The following KIF24 variants were observed in gnomAD, a reference collection of about 807,000 sequenced individuals.
The protein encoded by KIF24 is kinesin-like protein KIF24.
KIF24 carries 81 observed loss-of-function variants against 118.9 expected under a neutral mutation model. That is an observed-to-expected ratio of 0.68 (90% CI 0.57 to 0.82). The LOEUF is 0.82. KIF24 is among the 40% of genes least tolerant of loss of function. The pLI is 0.00. For synonymous variants in KIF24, 599 were observed against 610.0 expected, an observed-to-expected ratio of 0.98 and a Z score of 0.27; for missense variants, 1,560 against 1,661.6, an observed-to-expected ratio of 0.94 and a Z score of 1.06.
At chr9:34,271,376 G>A (rs1835502455) in intron 7 of KIF24, among the ~76,000 whole-genome samples, 1 of 150,366 alleles carries the variant, frequency 6.7e-6, no homozygotes, top group African/African-American at 2.5e-5. Flanking sequence ...ATTACTCAGA[G>A]GTGAAATAGG....
rs1305072269 is a variant in KIF24, at chr9:34,311,415, G to A, written c.-25-44C>T. Reference sequence around the variant, plus strand: ...GCCATTCGCTTGAAATAGAGTACATGTAATACAATTATTTATTTTAAAAAT... The same window carrying A: ...GCCATTCGCTTGAAATAGAGTACATATAATACAATTATTTATTTTAAAAAT... On this transcript the variant is annotated intron_variant, in intron 1 of 12. Coordinates refer to ENST00000402558, the MANE Select transcript of KIF24 (RefSeq NM_194313.4). The A allele has an allele frequency of 5.2e-6, 5 of 960,416 alleles. No individual in the cohort carries two copies. In the Admixed American group the frequency reaches 1.0e-4, roughly 20 times the overall value. The allele number at this position is 960,416 out of a possible 1,614,324, so 59.5% of individuals were successfully genotyped here.
intron 8 of KIF24, among the ~76,000 whole-genome samples, chr9:34,265,226 T>C (rs956449847): frequency 2.7e-4 from 41 of 152,198 alleles, no homozygotes; most frequent in African/African-American, 9.6e-4. Flanking sequence ...TGGAGTGCAG[T>C]AGCACAATCA....
In KIF24 at chr9:34,263,100, C is replaced by G. The variant is rs760233276; in HGVS notation, c.1515+1G>C. ...AACTCAAGGCTCACATTTAACTTTA[C>G]CTGAGTTAGTTTGCTTTGCCTGAAG... is the stretch of plus-strand genomic sequence containing the variant. On this transcript the variant is annotated splice_donor_variant, in intron 9 of 12. Coordinates refer to ENST00000402558, the MANE Select transcript of KIF24 (RefSeq NM_194313.4). LOFTEE classifies it high-confidence loss of function. 4 of 1,610,378 alleles carry G rather than the reference C, an allele frequency of 2.5e-6. No homozygotes were observed. The highest frequency in any genetic ancestry group is 3.4e-6 in the Non-Finnish European group (4 of 1,177,228).
In KIF24 at chr9:34,259,597, G is replaced by T; in HGVS notation, c.1624C>A (p.Arg542=). 1 of 1,611,526 alleles carries T rather than the reference G, an allele frequency of 6.2e-7. No individual in the cohort carries two copies. Among genetic ancestry groups the T allele is most frequent in the South Asian group, 1.1e-5 (1 of 90,978 alleles). ...HTLNTLRYAD[R]VKELKKGIKC... is the part of the protein sequence containing the mutation. Reference sequence around the variant, plus strand: ...CCTGCCATCTGGGAGCTGACTTACCGGTCAGCATAGCGCAAGGTGTTGAGA... The same window carrying T: ...CCTGCCATCTGGGAGCTGACTTACCTGTCAGCATAGCGCAAGGTGTTGAGA... Residue 542 remains arginine, a splice_region_variant and synonymous_variant, in exon 10 of 13, where the codon CGG becomes AGG. Coordinates refer to ENST00000402558, the MANE Select transcript of KIF24 (RefSeq NM_194313.4).
At chr9:34,295,262 T>C (rs1439185395) in intron 4 of KIF24, among the ~76,000 whole-genome samples, 1 of 151,424 alleles carries the variant, frequency 6.6e-6, no homozygotes. Context: ...CAGGCTGGAG[T>C]ACAGTGCAAG....
At chr9:34,296,891 T>A (rs1190172240) in intron 4 of KIF24, 126 bp downstream of exon 4, 1 of 541,126 alleles carries the variant, frequency 1.8e-6, no homozygotes, top group Non-Finnish European at 3.3e-6. Context: ...TCTAAATTTA[T>A]TAGCTCAAAA....
chr9:34,270,972 G>A (rs1325977667), intron 7 of KIF24, among the ~76,000 whole-genome samples: 1 of 151,268 alleles, frequency 6.6e-6, no homozygotes, highest in Non-Finnish European at 1.5e-5. Context: ...GTCCATACCT[G>A]TAGTCCCAGC....
chr9:34,265,046 C>T (rs1285768519), intron 8 of KIF24, among the ~76,000 whole-genome samples: 1 of 151,976 alleles, frequency 6.6e-6, no homozygotes, highest in Non-Finnish European at 1.5e-5. Context: ...TATATATAGA[C>T]AGAAAAATGA....
At chr9:34,319,074 T>C in intron 1 of KIF24, 3 of 1,308,366 alleles carry the variant, frequency 2.3e-6, no homozygotes, top group Non-Finnish European at 3.3e-6. Context: ...AACCGTGGCT[T>C]CATGGTGACT....
At chr9:34,285,585 A>T (rs760693280) in intron 6 of KIF24, among the ~76,000 whole-genome samples, 33 of 152,076 alleles carry the variant, frequency 2.2e-4, no homozygotes, top group Middle Eastern at 3.4e-3. Flanking sequence ...CCATTCTGGC[A>T]AACACGGTGA....
At chr9:34,325,556 G>C (rs1837647487) in intron 1 of KIF24, among the ~76,000 whole-genome samples, 1 of 151,882 alleles carries the variant, frequency 6.6e-6, no homozygotes, top group Admixed American at 6.6e-5. Context: ...AGCTGGGAAT[G>C]TTGGCACACA....
Position 34,257,020 on chromosome 9 carries a change from G to T in KIF24, c.2587C>A (p.Gln863Lys). Reference protein sequence around the residue: ...DSFFLHQTWGQGPEKQVAERQ... With the variant: ...DSFFLHQTWGKGPEKQVAERQ... Reference sequence around the variant, plus strand: ...TCTGCCACCTGCTTCTCAGGACCCTGTCCCCACGTCTGGTGCAGGAAGAAT... The same window carrying T: ...TCTGCCACCTGCTTCTCAGGACCCTTTCCCCACGTCTGGTGCAGGAAGAAT... Residue 863 changes from glutamine (Q) to lysine (K), a missense_variant, in exon 11 of 13, where the codon CAG (glutamine) becomes AAG (lysine). Coordinates refer to ENST00000402558, the MANE Select transcript of KIF24 (RefSeq NM_194313.4). The T allele has an allele frequency of 6.2e-7, 1 of 1,614,008 alleles. No individual in the cohort carries two copies. Among genetic ancestry groups the T allele is most frequent in the Non-Finnish European group, 8.5e-7 (1 of 1,179,890 alleles).
At chr9:34,254,694 G>A (rs921547867) in intron 12 of KIF24, among the ~76,000 whole-genome samples, 174 bp from the exon 13 acceptor site, 1 of 152,090 alleles carries the variant, frequency 6.6e-6, no homozygotes, top group Non-Finnish European at 1.5e-5. Context: ...CTCTGCATTC[G>A]AGACACTTTC....
intron 4 of KIF24, among the ~76,000 whole-genome samples, chr9:34,295,191 G>GGATA (rs774480678): frequency 1.9e-4 from 21 of 109,514 alleles, no homozygotes; most frequent in Middle Eastern, 4.6e-3. Flanking sequence ...TTGGATGGAT[G>GGATA]GATAGACAGA....
intron 4 of KIF24, among the ~76,000 whole-genome samples, chr9:34,296,246 G>A (rs775189502): frequency 5.7e-5 from 8 of 139,776 alleles, no homozygotes; most frequent in Non-Finnish European, 9.2e-5. Context: ...CATCTATGAG[G>A]CCGGGCGTGG....
chr9:34,262,634 C>T (rs1260296101), intron 9 of KIF24, among the ~76,000 whole-genome samples: 2 of 94,860 alleles, frequency 2.1e-5, no homozygotes, highest in African/African-American at 9.2e-5. Flanking sequence ...TGGTGAAACC[C>T]TGTCTCTACC....
upstream of KIF24, among the ~76,000 whole-genome samples, chr9:34,331,995 G>A (rs1266986425): frequency 6.6e-6 from 1 of 152,098 alleles, no homozygotes; most frequent in Admixed American, 6.6e-5. Flanking sequence ...CACAGCCTCT[G>A]CCTTGATCTA....
intron 9 of KIF24, among the ~76,000 whole-genome samples, chr9:34,262,128 A>G (rs891110356): frequency 1.3e-5 from 2 of 151,884 alleles, no homozygotes; most frequent in African/African-American, 4.8e-5. Flanking sequence ...TTTTTATAGA[A>G]AGGTTGTTTG....
Position 34,263,156 on chromosome 9 carries a change from C to T in KIF24, c.1460G>A (p.Arg487Gln), listed in dbSNP as rs1316568275. ...QSLLALKECIRALDQEHTHTP... is the reference protein window; with the variant it reads ...QSLLALKECIQALDQEHTHTP... ...ATGGGTGTGTTCCTGATCCAGTGCT[C>T]GGATACATTCCTTCAGCTGCAAAGT... Residue 487 changes from arginine to glutamine, a missense_variant, in exon 9 of 13, where the codon CGA (arginine) becomes CAA (glutamine). This residue lies in a region of KIF24 where 964 missense variants were observed against 988.0 expected (regional missense o/e 0.98). Transcript: ENST00000402558. The T allele has an allele frequency of 3.1e-6, 5 of 1,613,042 alleles. No homozygotes were observed. Among genetic ancestry groups the T allele is most frequent in the African/African-American group, 2.7e-5 (2 of 75,004 alleles).
Sources: gnomAD v4.1 joint callset for allele counts (sites outside exome capture counted in the v4.1 genomes callset) on GRCh38, gnomAD v4.1.1 for gene constraint, gnomAD v4.1.1 regional missense constraint, MANE v1.5 for transcripts, NCBI Gene and HGNC (gene_info 2026-07-23, HGNC 2026-07-21) for gene names.